The following DLGAP1 variants were observed in gnomAD, a reference collection of about 807,000 sequenced individuals.
DLGAP1 encodes the protein DLG associated protein 1, also known as disks large-associated protein 1.
Under a neutral mutation model 90.8 loss-of-function variants are expected in DLGAP1, and 11 were observed. The ratio of observed to expected loss-of-function variants is 0.12; its 90% CI spans 0.08 to 0.20. DLGAP1 has a LOEUF of 0.20. Ranked by LOEUF, DLGAP1 falls within the 10% of genes least tolerant of loss-of-function variation. The pLI is 1.00. For missense variants in DLGAP1, 1,050 were observed against 1,333.8 expected (o/e 0.79, Z 3.31); for synonymous variants, 558 against 540.7 (o/e 1.03, Z -0.44).
At chr18:3,611,719 C>G (rs1175034995) in intron 7 of DLGAP1, among the ~76,000 whole-genome samples, 1 of 152,196 alleles carries the variant, frequency 6.6e-6, no homozygotes, top group Non-Finnish European at 1.5e-5. Context: ...CGCACCTTCT[C>G]TATCACCCTC....
At chr18:4,423,784 A>C (rs942140631) in intron 1 of DLGAP1, among the ~76,000 whole-genome samples, 3 of 149,472 alleles carry the variant, frequency 2.0e-5, no homozygotes, top group Non-Finnish European at 4.4e-5. Context: ...ACATCCTGGG[A>C]ATGGTGATAC....
intron 3 of DLGAP1, among the ~76,000 whole-genome samples, chr18:3,922,368 C>G (rs903745819): frequency 6.6e-6 from 1 of 152,148 alleles, no homozygotes; most frequent in African/African-American, 2.4e-5. Context: ...AGTCTTTACC[C>G]CTGGAGAAGA....
chr18:4,386,162 C>A (rs1387133500), intron 1 of DLGAP1, among the ~76,000 whole-genome samples: 1 of 152,040 alleles, frequency 6.6e-6, no homozygotes, highest in African/African-American at 2.4e-5. Context: ...CTTCTTATGT[C>A]CCCGTTCTAA....
At chr18:3,779,599 G>A (rs1292136017) in intron 5 of DLGAP1, among the ~76,000 whole-genome samples, 1 of 151,950 alleles carries the variant, frequency 6.6e-6, no homozygotes, top group African/African-American at 2.4e-5. Context: ...CCATTGTTTT[G>A]ATCTCCTCCA....
chr18:4,030,854 C>T (rs578242097), intron 2 of DLGAP1, among the ~76,000 whole-genome samples: 5 of 152,158 alleles, frequency 3.3e-5, no homozygotes, highest in East Asian at 1.9e-4. Flanking sequence ...CCCGGGGAGG[C>T]GGAGGTTGCA....
Position 4,383,860 on chromosome 18 carries a change from T to C in DLGAP1, c.-267+71146A>G, listed in dbSNP as rs1365882744. On this transcript the variant is annotated intron_variant, in intron 1 of 12. Coordinates refer to ENST00000315677, the MANE Select transcript of DLGAP1 (RefSeq NM_004746.4). The surrounding 1 kb of genome is among the most constrained non-coding windows in gnomAD (Gnocchi z 4.0). ...TGAGGATGAGATTAAGTGCAACCATTTCAATGGCTCCTACCAAATAAATAA... is the reference window on the plus strand; with the variant it reads ...TGAGGATGAGATTAAGTGCAACCATCTCAATGGCTCCTACCAAATAAATAA... 6.6e-6 allele frequency among the ~76,000 whole-genome samples: 1 copy of C among 152,092 alleles called. No homozygotes were observed. Among genetic ancestry groups the C allele is most frequent in the Non-Finnish European group, 1.5e-5 (1 of 67,986 alleles).
intron 7 of DLGAP1, among the ~76,000 whole-genome samples, chr18:3,587,540 C>T (rs1371423770): frequency 3.3e-5 from 5 of 152,172 alleles, no homozygotes; most frequent in African/African-American, 4.8e-5. Context: ...ATCAGCAGGA[C>T]GTGGGCGGGG....
At chr18:3,993,249 A>G (rs2074004067) in intron 3 of DLGAP1, 1 of 152,200 alleles carries the variant, frequency 6.6e-6, no homozygotes, top group Non-Finnish European at 1.5e-5. Context: ...AGGAGTTTGG[A>G]AACAGGATAA....
At chr18:3,529,132 T>C (rs1308478498) in intron 10 of DLGAP1, among the ~76,000 whole-genome samples, 1 of 152,200 alleles carries the variant, frequency 6.6e-6, no homozygotes, top group African/African-American at 2.4e-5. Flanking sequence ...CTAAAACTCA[T>C]ATGTTGAAAC....
intron 2 of DLGAP1, among the ~76,000 whole-genome samples, chr18:4,101,356 AG>A (rs2075775147): frequency 6.6e-6 from 1 of 152,188 alleles, no homozygotes; most frequent in African/African-American, 2.4e-5. Flanking sequence ...TTATTGATTA[AG>A]TTTGCTGCCT....
chr18:4,134,391 T>C (rs1004248396), intron 2 of DLGAP1, among the ~76,000 whole-genome samples: 2 of 152,114 alleles, frequency 1.3e-5, no homozygotes, highest in Non-Finnish European at 2.9e-5. Context: ...ACTTTAGGTC[T>C]CCAGTTTACC....
intron 7 of DLGAP1, among the ~76,000 whole-genome samples, chr18:3,594,683 C>T (rs868061957): frequency 6.6e-6 from 1 of 152,072 alleles, no homozygotes; most frequent in Non-Finnish European, 1.5e-5. Context: ...GCAGCCAAGG[C>T]CATGTTTTTT....
intron 2 of DLGAP1, among the ~76,000 whole-genome samples, chr18:4,131,263 T>G (rs1311698265): frequency 6.6e-6 from 1 of 152,114 alleles, no homozygotes; most frequent in Non-Finnish European, 1.5e-5. Context: ...TACTAAACAT[T>G]AGAAGAAAGT....
intron 4 of DLGAP1, among the ~76,000 whole-genome samples, chr18:3,817,853 T>C (rs575160483): frequency 1.3e-5 from 2 of 152,194 alleles, no homozygotes; most frequent in East Asian, 1.9e-4. Flanking sequence ...TTTAGGAAAA[T>C]CCAAAGAAAA....
Position 3,742,949 on chromosome 18 carries a change from T to TCTTCCTTCCTTCCTTCCTTCCTTCCTTC in DLGAP1, c.1173-465_1173-438dup, listed in dbSNP as rs143048862. Among the ~76,000 whole-genome samples the TCTTCCTTCCTTCCTTCCTTCCTTCCTTC allele has an allele frequency of 7.2e-4, 103 of 142,758 alleles. No individual in the cohort carries two copies. The Middle Eastern group carries it at 0.01, about 15-fold the overall frequency. 93.7% of individuals were successfully genotyped at this position (142,758 alleles called of 152,430 possible). On this transcript the variant is annotated intron_variant, in intron 5 of 12. Coordinates refer to ENST00000315677, the MANE Select transcript of DLGAP1 (RefSeq NM_004746.4). ...ATCTATATTTTTATCTATCAATTTA[T>TCTTCCTTCCTTCCTTCCTTCCTTCCTTC]CTTCCTTCCTTCCTTCCTTCCTTCC... is the stretch of plus-strand genomic sequence containing the variant.
At chr18:4,443,971 A>G (rs925529370) in intron 1 of DLGAP1, among the ~76,000 whole-genome samples, 1 of 152,256 alleles carries the variant, frequency 6.6e-6, no homozygotes, top group Non-Finnish European at 1.5e-5. Flanking sequence ...ATCAATCAGT[A>G]AAGTGTTCCA....
chr18:3,675,896 A>G (rs140191248), intron 7 of DLGAP1, among the ~76,000 whole-genome samples: 6 of 152,336 alleles, frequency 3.9e-5, no homozygotes, highest in Admixed American at 3.9e-4. Context: ...AAATTATTAA[A>G]ACTTTCATAG....
At chr18:4,324,797 CT>C (rs2080778994) in intron 1 of DLGAP1, among the ~76,000 whole-genome samples, 3 of 86,852 alleles carry the variant, frequency 3.5e-5, no homozygotes, top group Admixed American at 2.4e-4. Flanking sequence ...GCAGAAAAGC[CT>C]TTTGATAAAA....
intron 1 of DLGAP1, among the ~76,000 whole-genome samples, chr18:4,212,254 G>C (rs553908231): frequency 3.3e-5 from 5 of 152,116 alleles, no homozygotes; most frequent in Non-Finnish European, 5.9e-5. Context: ...GATGAGTCCT[G>C]CTGGACTATA....
Sources: gnomAD v4.1 joint callset for allele counts (sites outside exome capture counted in the v4.1 genomes callset) on GRCh38, gnomAD v4.1.1 for gene constraint, Gnocchi (gnomAD v3.1) non-coding constraint, MANE v1.5 for transcripts, NCBI Gene and HGNC (gene_info 2026-07-23, HGNC 2026-07-21) for gene names.